Variants in NOS1AP observed in about 807,000 individuals in gnomAD.
The protein encoded by NOS1AP is nitric oxide synthase 1 adaptor protein.
Under a neutral mutation model 56.2 loss-of-function variants are expected in NOS1AP, and 21 were observed. That is an observed-to-expected ratio of 0.37 (90% CI 0.26 to 0.54). NOS1AP has a LOEUF of 0.54. NOS1AP is among the 20% of genes least tolerant of loss of function. The pLI, the probability that NOS1AP is intolerant of heterozygous loss-of-function variation, is 0.84. For synonymous variants in NOS1AP, 270 were observed against 274.6 expected (o/e 0.98, Z 0.17); for missense variants, 522 against 657.8 (o/e 0.79, Z 2.26).
intron 8 of NOS1AP, 140 bp from the exon 9 acceptor site, chr1:162,365,264 T>C: frequency 1.3e-6 from 2 of 1,514,550 alleles, no homozygotes; most frequent in Non-Finnish European, 1.8e-6. Context: ...CAGATGCCCA[T>C]GCTGCCCGTG....
intron 2 of NOS1AP, among the ~76,000 whole-genome samples, chr1:162,216,073 A>G (rs1214960241): frequency 6.6e-6 from 1 of 152,070 alleles, no homozygotes; most frequent in Non-Finnish European, 1.5e-5. Context: ...TCCTGCTCCA[A>G]CTGCAAGCTG....
chr1:162,306,425 G>T (rs1655829588), intron 4 of NOS1AP, among the ~76,000 whole-genome samples: 1 of 152,132 alleles, frequency 6.6e-6, no homozygotes. Flanking sequence ...AGAATAGCTG[G>T]AGCTATTATG....
At chr1:162,357,163 G>A (rs1004132227) in intron 8 of NOS1AP, 27 bp downstream of exon 8, 21 of 1,597,516 alleles carry the variant, frequency 1.3e-5, no homozygotes, top group Middle Eastern at 1.7e-4. Flanking sequence ...TCCCTACTTC[G>A]CAGGCTCCAC....
chr1:162,104,143 T>A (rs1647407248), intron 1 of NOS1AP, among the ~76,000 whole-genome samples: 1 of 152,200 alleles, frequency 6.6e-6, no homozygotes, highest in African/African-American at 2.4e-5. Flanking sequence ...CTGAAAAGGA[T>A]CTTATTTCTC....
chr1:162,123,173 GA>G (rs1011884934), intron 1 of NOS1AP, among the ~76,000 whole-genome samples: 2 of 151,854 alleles, frequency 1.3e-5, no homozygotes, highest in African/African-American at 4.8e-5. Flanking sequence ...TTTATTTTTT[GA>G]ATATCTAAAA....
chr1:162,163,120 G>A (rs989973324), intron 2 of NOS1AP, among the ~76,000 whole-genome samples: 1 of 152,142 alleles, frequency 6.6e-6, no homozygotes, highest in Non-Finnish European at 1.5e-5. Flanking sequence ...TCCATATTGG[G>A]ACATGTATCA....
At chr1:162,243,717 T>A (rs1253505820) in intron 2 of NOS1AP, among the ~76,000 whole-genome samples, 1 of 152,234 alleles carries the variant, frequency 6.6e-6, no homozygotes, top group African/African-American at 2.4e-5. Context: ...ATGTTTCTAA[T>A]TTTTAGTCAG....
chr1:162,206,330 G>A (rs17458231), intron 2 of NOS1AP, among the ~76,000 whole-genome samples: 5,160 of 152,212 alleles, frequency 0.034, 130 homozygotes, highest in Non-Finnish European at 0.049. Flanking sequence ...GGGTTAGTCG[G>A]ATCTGTGAGA....
intron 2 of NOS1AP, among the ~76,000 whole-genome samples, chr1:162,251,650 A>G (rs181986845): frequency 1.4e-5 from 2 of 145,470 alleles, no homozygotes; most frequent in Non-Finnish European, 1.5e-5. Flanking sequence ...GTGTGTATAA[A>G]TATATATATA....
intron 3 of NOS1AP, among the ~76,000 whole-genome samples, chr1:162,295,015 G>A (rs1302618647): frequency 6.6e-6 from 1 of 152,184 alleles, no homozygotes; most frequent in Non-Finnish European, 1.5e-5. Context: ...AGCCCTGCCT[G>A]AGCCTGGACT....
intron 2 of NOS1AP, among the ~76,000 whole-genome samples, chr1:162,283,474 A>T (rs547108479): frequency 2.0e-5 from 3 of 152,264 alleles, no homozygotes; most frequent in African/African-American, 7.2e-5. Flanking sequence ...GAAGTTGGGA[A>T]AAAGGAAGCA....
At chr1:162,197,387 C>CT (rs1651843873) in intron 2 of NOS1AP, among the ~76,000 whole-genome samples, 1 of 152,184 alleles carries the variant, frequency 6.6e-6, no homozygotes, top group African/African-American at 2.4e-5. Context: ...TGATGGTGCT[C>CT]TGCCGAGCCA....
intron 2 of NOS1AP, among the ~76,000 whole-genome samples, chr1:162,225,268 A>G (rs1652903273): frequency 6.6e-6 from 1 of 152,200 alleles, no homozygotes; most frequent in South Asian, 2.1e-4. Context: ...TCGTCATGGC[A>G]CAAACCATGG....
At chr1:162,175,753 A>G (rs952453652) in intron 2 of NOS1AP, among the ~76,000 whole-genome samples, 7 of 152,180 alleles carry the variant, frequency 4.6e-5, no homozygotes, top group Non-Finnish European at 1.0e-4. Flanking sequence ...ATATGTAGCC[A>G]TCTATATTAA....
chr1:162,176,228 T>G (rs187977958), intron 2 of NOS1AP, among the ~76,000 whole-genome samples: 44 of 152,204 alleles, frequency 2.9e-4, no homozygotes, highest in Admixed American at 6.5e-4. Context: ...GTTCTGTGGG[T>G]TTTTGTCAAA....
intron 4 of NOS1AP, among the ~76,000 whole-genome samples, chr1:162,309,627 GAAGA>G (rs1271000885): frequency 1.3e-5 from 2 of 152,216 alleles, no homozygotes; most frequent in Non-Finnish European, 2.9e-5. Flanking sequence ...AGTACAGACA[GAAGA>G]AAGACTTGCA....
In NOS1AP at chr1:162,289,464, CTTTTCT is replaced by C. The variant is rs1290208488; in HGVS notation, c.270+2033_270+2038del. Among the ~76,000 whole-genome samples the C allele has an allele frequency of 7.5e-3, 338 of 45,030 alleles. 19 individuals are homozygous for C. The highest frequency in any genetic ancestry group is 0.014 in the African/African-American group (171 of 12,644). 29.5% of individuals were successfully genotyped at this position (45,030 alleles called of 152,430 possible). A position where few individuals can be genotyped will look rare whatever the true frequency, so the allele number is the denominator to read the frequency against. On this transcript the variant is annotated intron_variant, in intron 3 of 9. Coordinates refer to ENST00000361897, the MANE Select transcript of NOS1AP (RefSeq NM_014697.3). ...TGGCGCCTGCCACCACGCCCAGCTA[CTTTTCT>C]TTTTTTTTTTTTTTTTTTTTTTGAG...
Position 162,333,006 on chromosome 1 carries a change from T to A in NOS1AP, c.345-11T>A, listed in dbSNP as rs1656822018. ...CATTTTCAGTGCATTTTTCTGTTGT[T>A]CTTCCTTTAGGATCTTCTATGTCTC... On this transcript the variant is annotated splice_polypyrimidine_tract_variant and intron_variant, in intron 4 of 9. Transcript: ENST00000361897. 6.3e-7 allele frequency: 1 copy of A among 1,599,562 alleles called. No individual in the cohort carries two copies. The highest frequency in any genetic ancestry group is 1.3e-5 in the African/African-American group (1 of 74,628).
chr1:162,316,673 T>G (rs1480870322), intron 4 of NOS1AP, among the ~76,000 whole-genome samples: 1 of 152,088 alleles, frequency 6.6e-6, no homozygotes, highest in Non-Finnish European at 1.5e-5. Context: ...CTTAGAGGTT[T>G]TGGGATAGGC....
Sources: gnomAD v4.1 joint callset for allele counts (sites outside exome capture counted in the v4.1 genomes callset) on GRCh38, gnomAD v4.1.1 for gene constraint, MANE v1.5 for transcripts, NCBI Gene and HGNC (gene_info 2026-07-23, HGNC 2026-07-21) for gene names.